Variants in TTC1 observed in about 807,000 individuals in gnomAD.
TTC1 encodes the protein tetratricopeptide repeat domain 1, also known as tetratricopeptide repeat protein 1.
A neutral mutation model predicts 37.6 loss-of-function variants in TTC1; 31 were observed. The ratio of observed to expected loss-of-function variants is 0.82; its 90% CI spans 0.62 to 1.11. TTC1 has a LOEUF of 1.11. TTC1 is among the 50% of genes most tolerant of loss of function. TTC1 has a pLI of 0.00. For missense variants in TTC1, 351 were observed against 339.0 expected, an observed-to-expected ratio of 1.04 and a Z score of -0.28; for synonymous variants, 127 against 122.4, an observed-to-expected ratio of 1.04 and a Z score of -0.25.
At chr5:160,046,829 T>C (rs778811084) in intron 5 of TTC1, among the ~76,000 whole-genome samples, 2 of 152,180 alleles carry the variant, frequency 1.3e-5, no homozygotes, top group Non-Finnish European at 2.9e-5. Context: ...CTGATCATTA[T>C]GGTGAAACCC....
chr5:160,037,370 A>G (rs1240926660), intron 4 of TTC1, among the ~76,000 whole-genome samples: 1 of 152,224 alleles, frequency 6.6e-6, no homozygotes, highest in Non-Finnish European at 1.5e-5. Context: ...CAAGGTGAGT[A>G]TGGAATAGGT....
At chr5:160,048,262 A>C (rs1757309785) in intron 5 of TTC1, among the ~76,000 whole-genome samples, 1 of 146,668 alleles carries the variant, frequency 6.8e-6, no homozygotes, top group Admixed American at 7.2e-5. Flanking sequence ...AGTGATTCTT[A>C]TGCCTAAACC....
At chr5:160,015,263 C>A (rs1198029600) in intron 2 of TTC1, among the ~76,000 whole-genome samples, 1 of 152,076 alleles carries the variant, frequency 6.6e-6, no homozygotes, top group Non-Finnish European at 1.5e-5. Flanking sequence ...GGCTGGAGTG[C>A]AGAGGTGCGA....
intron 2 of TTC1, among the ~76,000 whole-genome samples, chr5:160,034,166 T>C (rs1756965019): frequency 6.6e-6 from 1 of 151,764 alleles, no homozygotes; most frequent in South Asian, 2.1e-4. Flanking sequence ...TTGGTAGATT[T>C]TCTGTTTTTG....
chr5:160,027,786 C>G (rs1561628432), intron 2 of TTC1, among the ~76,000 whole-genome samples: 1 of 152,222 alleles, frequency 6.6e-6, no homozygotes, highest in Non-Finnish European at 1.5e-5. Flanking sequence ...TATCATTACA[C>G]TGCCTTCTGG....
intron 2 of TTC1, among the ~76,000 whole-genome samples, chr5:160,021,793 G>A (rs537464341): frequency 8.9e-4 from 135 of 152,148 alleles, no homozygotes; most frequent in African/African-American, 3.1e-3. Flanking sequence ...AGCCCTTCCA[G>A]TATTTGCATT....
intron 2 of TTC1, among the ~76,000 whole-genome samples, chr5:160,034,126 C>CTTTTTT (rs978923159): frequency 3.5e-5 from 4 of 114,546 alleles, no homozygotes; most frequent in Non-Finnish European, 5.6e-5. Context: ...GACCCTATCT[C>CTTTTTT]TTTTTTTTTT....
chr5:160,052,232 G>C (rs1292963974), intron 7 of TTC1, among the ~76,000 whole-genome samples: 1 of 152,168 alleles, frequency 6.6e-6, no homozygotes, highest in Non-Finnish European at 1.5e-5. Context: ...ACTTGGCCAG[G>C]CACGGTGGCT....
chr5:160,009,364 T>A (rs555824918), intron 1 of TTC1, among the ~76,000 whole-genome samples, 171 bp downstream of exon 1: 6 of 152,314 alleles, frequency 3.9e-5, no homozygotes, highest in African/African-American at 1.4e-4. Flanking sequence ...AGGCGAAGTC[T>A]CCGTATTAAG....
chr5:160,009,515 G>A (rs775260540), intron 1 of TTC1, among the ~76,000 whole-genome samples: 4 of 152,166 alleles, frequency 2.6e-5, no homozygotes, highest in Admixed American at 6.5e-5. Flanking sequence ...TTTTGCAAAT[G>A]TCTGGGCTGC....
chr5:160,023,154 G>GC (rs1756741184), intron 2 of TTC1, among the ~76,000 whole-genome samples: 2 of 152,030 alleles, frequency 1.3e-5, no homozygotes, highest in Admixed American at 1.3e-4. Flanking sequence ...TACTCAGGAG[G>GC]CTGAGGCAGG....
chr5:160,035,507 G>A (rs1299474563), intron 3 of TTC1, among the ~76,000 whole-genome samples: 1 of 152,254 alleles, frequency 6.6e-6, no homozygotes, highest in African/African-American at 2.4e-5. Context: ...GAATATTAAA[G>A]GTTATGTGCT....
At chr5:160,016,317 G>A (rs566253907) in intron 2 of TTC1, among the ~76,000 whole-genome samples, 15 of 152,302 alleles carry the variant, frequency 9.8e-5, no homozygotes, top group Admixed American at 7.2e-4. Flanking sequence ...GGCGGAGGTT[G>A]CAGAGAGCCG....
chr5:160,050,139 A>T (rs1008421831), intron 6 of TTC1, among the ~76,000 whole-genome samples: 7 of 151,242 alleles, frequency 4.6e-5, no homozygotes, highest in Admixed American at 3.3e-4. Flanking sequence ...ACAGAGTAAG[A>T]CTTTGTATCT....
At chr5:160,044,459 T>TGAGATTTCCAAGAATGGGGCA (rs1161185010) in intron 5 of TTC1, among the ~76,000 whole-genome samples, 4 of 152,232 alleles carry the variant, frequency 2.6e-5, no homozygotes, top group Non-Finnish European at 5.9e-5. Flanking sequence ...GGATTACTCA[T>TGAGATTTCCAAGAATGGGGCA]GAGATTTCCA....
chr5:160,010,115 A>G (rs912726995), intron 1 of TTC1, among the ~76,000 whole-genome samples: 2 of 152,102 alleles, frequency 1.3e-5, no homozygotes, highest in Non-Finnish European at 2.9e-5. Context: ...GTTCTGGGCC[A>G]GGCGCGGTGG....
At chr5:160,032,697 G>A (rs1756931331) in intron 2 of TTC1, among the ~76,000 whole-genome samples, 1 of 123,656 alleles carries the variant, frequency 8.1e-6, no homozygotes, top group Non-Finnish European at 1.7e-5. Context: ...AGTTCTACCT[G>A]CTTTCTTTTT....
chr5:160,061,171 T>C (rs530799583), intron 7 of TTC1, among the ~76,000 whole-genome samples: 1 of 152,366 alleles, frequency 6.6e-6, no homozygotes, highest in South Asian at 2.1e-4. Context: ...CCTATCTCTG[T>C]GCATTGGCTC....
chr5:160,041,355 G>T (rs964544083), intron 4 of TTC1, among the ~76,000 whole-genome samples: 1 of 145,634 alleles, frequency 6.9e-6, no homozygotes, highest in Admixed American at 7.1e-5. Flanking sequence ...CTGTTGCCTA[G>T]GCTGTAGTAC....
Sources: gnomAD v4.1 joint callset for allele counts (sites outside exome capture counted in the v4.1 genomes callset) on GRCh38, gnomAD v4.1.1 for gene constraint, MANE v1.5 for transcripts, NCBI Gene and HGNC (gene_info 2026-07-23, HGNC 2026-07-21) for gene names.